The following ATP2A2 variants were observed in gnomAD, a reference collection of about 807,000 sequenced individuals.
The protein encoded by ATP2A2 is sarcoplasmic/endoplasmic reticulum calcium ATPase 2.
Under a neutral mutation model 109.3 loss-of-function variants are expected in ATP2A2, and 14 were observed. That is an observed-to-expected ratio of 0.13 (90% CI 0.08 to 0.20). The LOEUF is 0.20. ATP2A2 is among the 10% of genes least tolerant of loss of function. ATP2A2 has a pLI of 1.00. For missense variants in ATP2A2, 657 were observed against 1,321.6 expected, an observed-to-expected ratio of 0.50 and a Z score of 7.80; for synonymous variants, 506 against 490.9, an observed-to-expected ratio of 1.03 and a Z score of -0.41.
intron 11 of ATP2A2, among the ~76,000 whole-genome samples, chr12:110,334,808 G>A (rs1044277267): frequency 6.6e-6 from 1 of 151,816 alleles, no homozygotes; most frequent in Admixed American, 6.6e-5. Flanking sequence ...GGCTGGTCTC[G>A]AACTCCTGAC....
chr12:110,321,694 CAA>C, intron 5 of ATP2A2, among the ~76,000 whole-genome samples: 1 of 152,292 alleles, frequency 6.6e-6, no homozygotes, highest in East Asian at 1.9e-4. Context: ...CTCAGCCTCC[CAA>C]AGTGTTGGGA....
chr12:110,302,609 T>C (rs1156423272), intron 5 of ATP2A2, among the ~76,000 whole-genome samples: 1 of 150,838 alleles, frequency 6.6e-6, no homozygotes, highest in East Asian at 1.9e-4. Context: ...TTATTATTAT[T>C]ACTATTTTGA....
intron 5 of ATP2A2, among the ~76,000 whole-genome samples, chr12:110,301,312 C>CTT (rs1874614399): frequency 6.6e-6 from 1 of 152,192 alleles, no homozygotes; most frequent in Admixed American, 6.5e-5. Flanking sequence ...AAGCACCATC[C>CTT]TTTTTGAAGA....
intron 5 of ATP2A2, among the ~76,000 whole-genome samples, chr12:110,305,174 T>C (rs1875143012): frequency 6.6e-6 from 1 of 152,114 alleles, no homozygotes; most frequent in Non-Finnish European, 1.5e-5. Context: ...CTTCAAATGA[T>C]CCGCCTGCCT....
intron 5 of ATP2A2, among the ~76,000 whole-genome samples, chr12:110,301,168 TTGTTGGGC>T (rs1258070338): frequency 1.3e-5 from 2 of 152,212 alleles, no homozygotes; most frequent in East Asian, 3.8e-4. Context: ...GTGCTCTGCC[TTGTTGGGC>T]TGTTTTAGTG....
At chr12:110,343,518 G>T (rs890703800) in intron 16 of ATP2A2, 84 bp downstream of exon 16, 16 of 1,502,886 alleles carry the variant, frequency 1.1e-5, no homozygotes, top group South Asian at 6.9e-5. Flanking sequence ...TTAAAAGCGT[G>T]TTTTTTCTTC....
chr12:110,322,504 G>C (rs1257011471), intron 5 of ATP2A2, among the ~76,000 whole-genome samples: 1 of 151,922 alleles, frequency 6.6e-6, no homozygotes, highest in African/African-American at 2.4e-5. Context: ...TTACTGTGTA[G>C]TTTTATTTTG....
intron 5 of ATP2A2, among the ~76,000 whole-genome samples, chr12:110,308,884 G>T (rs1281203138): frequency 6.6e-6 from 1 of 152,138 alleles, no homozygotes; most frequent in East Asian, 1.9e-4. Flanking sequence ...AGATGTGTTG[G>T]AAAACTGGAG....
intron 11 of ATP2A2, among the ~76,000 whole-genome samples, chr12:110,338,338 C>CATTG (rs1377739393): frequency 1.3e-5 from 2 of 152,252 alleles, no homozygotes; most frequent in Non-Finnish European, 2.9e-5. Context: ...GGCCACAGAG[C>CATTG]ATTGCCATCT....
intron 3 of ATP2A2, among the ~76,000 whole-genome samples, chr12:110,285,576 G>GT (rs762792333): frequency 6.6e-6 from 1 of 152,174 alleles, no homozygotes; most frequent in Non-Finnish European, 1.5e-5. Context: ...AAGCAAGGGG[G>GT]TTTGGATATC....
At chr12:110,344,825 G>T in intron 16 of ATP2A2, 61 bp from the exon 17 acceptor site, 1 of 1,531,820 alleles carries the variant, frequency 6.5e-7, no homozygotes, top group Non-Finnish European at 9.0e-7. Flanking sequence ...GGCCTGCATG[G>T]CCTCGGTGGC....
intron 5 of ATP2A2, among the ~76,000 whole-genome samples, chr12:110,322,417 G>T (rs1877337095): frequency 6.6e-6 from 1 of 152,016 alleles, no homozygotes; most frequent in African/African-American, 2.4e-5. Context: ...CAAGGGTGCA[G>T]TGAGCTGTGA....
intron 9 of ATP2A2, among the ~76,000 whole-genome samples, chr12:110,332,894 C>G (rs1231061706): frequency 1.3e-5 from 2 of 152,228 alleles, no homozygotes; most frequent in Non-Finnish European, 2.9e-5. Flanking sequence ...TTCTGGGCTC[C>G]AAACTTTCAA....
intron 11 of ATP2A2, among the ~76,000 whole-genome samples, chr12:110,337,957 A>G (rs966838122): frequency 1.3e-5 from 2 of 152,236 alleles, no homozygotes; most frequent in Non-Finnish European, 2.9e-5. Context: ...CTTTAGTTGT[A>G]GGTAACGATA....
In ATP2A2 at chr12:110,292,017, T is replaced by C. The variant is rs1183493693; in HGVS notation, c.220-3T>C. On this transcript the variant is annotated splice_polypyrimidine_tract_variant and splice_region_variant and intron_variant, in intron 3 of 19. Coordinates refer to ENST00000539276, the MANE Select transcript of ATP2A2 (RefSeq NM_170665.4). Reference sequence around the variant, plus strand: ...ACATTCTAACGTGCCATTTCTCTTCTAGGTTTTGGCTTGGTTTGAAGAAGG... The same window carrying C: ...ACATTCTAACGTGCCATTTCTCTTCCAGGTTTTGGCTTGGTTTGAAGAAGG... 1 of 1,613,230 alleles carries C rather than the reference T, an allele frequency of 6.2e-7. No homozygotes were observed. Among genetic ancestry groups the C allele is most frequent in the African/African-American group, 1.3e-5 (1 of 75,024 alleles).
chr12:110,348,560 A>G lies in ATP2A2; in HGVS notation c.*2090A>G. 2.0e-6 allele frequency: 2 copies of G among 985,434 alleles called. No homozygotes were observed. Among genetic ancestry groups the G allele is most frequent in the African/African-American group, 1.7e-5 (1 of 57,296 alleles). 61.0% of individuals were successfully genotyped at this position (985,434 alleles called of 1,614,324 possible). A position where few individuals can be genotyped will look rare whatever the true frequency, so the allele number is the denominator to read the frequency against. On this transcript the variant is annotated 3_prime_UTR_variant, in exon 20 of 20. Coordinates refer to ENST00000539276, the MANE Select transcript of ATP2A2 (RefSeq NM_170665.4). ...CAAGGGATGGAGGTGGAACCTGGAG[A>G]CCGACTCTTAAAAGCACAGTCCGTG...
At chr12:110,300,051 C>T (rs1438844598) in intron 5 of ATP2A2, among the ~76,000 whole-genome samples, 1 of 151,638 alleles carries the variant, frequency 6.6e-6, no homozygotes, top group South Asian at 2.1e-4. Context: ...CCACCACGCA[C>T]GGCCTAAAGC....
In ATP2A2 at chr12:110,340,081, C is replaced by T. The variant is rs908612383; in HGVS notation, c.1761+360C>T. Among the ~76,000 whole-genome samples the T allele has an allele frequency of 3.9e-5, 6 of 152,118 alleles. No homozygotes were observed. Among genetic ancestry groups the T allele is most frequent in the African/African-American group, 1.4e-4 (6 of 41,432 alleles). On this transcript the variant is annotated intron_variant, in intron 13 of 19. Transcript: ENST00000539276. The surrounding 1 kb of genome is among the most constrained non-coding windows in gnomAD (Gnocchi z 6.0). ...GTCAAAAGATCCAAGTTGGAGATTA[C>T]TTCCACTTTTCTACTCAGAGTAGAA...
chr12:110,291,195 A>ACTGTGCCCAGCTGAAG, intron 3 of ATP2A2, among the ~76,000 whole-genome samples: 1 of 148,838 alleles, frequency 6.7e-6, no homozygotes. Context: ...GGCGTGAGCC[A>ACTGTGCCCAGCTGAAG]TCGCACCCGG....
Sources: gnomAD v4.1 joint callset for allele counts (sites outside exome capture counted in the v4.1 genomes callset) on GRCh38, gnomAD v4.1.1 for gene constraint, Gnocchi (gnomAD v3.1) non-coding constraint, MANE v1.5 for transcripts, NCBI Gene and HGNC (gene_info 2026-07-23, HGNC 2026-07-21) for gene names.